Variants in FTO observed in about 807,000 individuals in gnomAD.
FTO encodes the protein FTO alpha-ketoglutarate dependent dioxygenase.
FTO carries 47 observed loss-of-function variants against 63.9 expected under a neutral mutation model. The ratio of observed to expected loss-of-function variants is 0.74; its 90% CI spans 0.58 to 0.94. The LOEUF (loss-of-function observed/expected upper bound fraction) is 0.94. Among genes scored for constraint, FTO ranks in the 40% least tolerant of loss-of-function variants. The pLI is 0.00. For synonymous variants in FTO, 207 were observed against 224.4 expected (o/e 0.92, Z 0.69); for missense variants, 562 against 618.1 (o/e 0.91, Z 0.96).
chr16:53,759,560 G>T (rs184861892), intron 1 of FTO, among the ~76,000 whole-genome samples: 1 of 151,966 alleles, frequency 6.6e-6, no homozygotes, highest in African/African-American at 2.4e-5. Flanking sequence ...TGGGCATGGT[G>T]GTGGGCACCT....
At chr16:53,820,976 C>T (rs1402326662) in intron 2 of FTO, among the ~76,000 whole-genome samples, 1 of 151,998 alleles carries the variant, frequency 6.6e-6, no homozygotes, top group African/African-American at 2.4e-5. Flanking sequence ...TTTTCCCATG[C>T]CATTATTTTC....
At position 53,930,380 on chromosome 16, in the gene FTO, C is replaced by T. The variant is rs1419334314; in HGVS notation, c.1240-3605C>T. On this transcript the variant is annotated intron_variant, in intron 7 of 8. Transcript: ENST00000471389. ...CTGGGACTACGGGCACCTGCCACCA[C>T]GCCCGGCTAATTTTTTGTGTTTTTA... Among the ~76,000 whole-genome samples, 4 of 151,542 alleles carry T rather than the reference C, an allele frequency of 2.6e-5. No individual in the cohort carries two copies. In the East Asian group the frequency reaches 5.8e-4, roughly 22 times the overall value.
chr16:54,006,366 C>CTGGCTAGA (rs1449596816), intron 8 of FTO, among the ~76,000 whole-genome samples: 9 of 152,168 alleles, frequency 5.9e-5, no homozygotes, highest in African/African-American at 2.2e-4. Flanking sequence ...AGATTCTTTG[C>CTGGCTAGA]TGGCTAGAGT....
At chr16:54,018,729 T>C (rs1396767587) in intron 8 of FTO, among the ~76,000 whole-genome samples, 5 of 152,190 alleles carry the variant, frequency 3.3e-5, no homozygotes, top group Admixed American at 2.6e-4. Flanking sequence ...CCTGCTGTCA[T>C]GTGAAGAAGA....
At chr16:54,067,456 T>C (rs1009047584) in intron 8 of FTO, among the ~76,000 whole-genome samples, 1 of 152,252 alleles carries the variant, frequency 6.6e-6, no homozygotes, top group Admixed American at 6.5e-5. Context: ...TAAATCTTTA[T>C]TGCAAAGGTT....
chr16:53,844,265 C>T lies in FTO; in HGVS notation c.862C>T (p.Pro288Ser). 4 of 1,613,342 alleles carry T rather than the reference C, an allele frequency of 2.5e-6. No individual in the cohort carries two copies. The South Asian group carries it at 4.4e-5, about 18-fold the overall frequency. Residue 288 changes from proline to serine, a missense_variant, in exon 4 of 9, where the codon CCC becomes TCC. Pro to Ser is a moderately conservative substitution (Grantham distance 74). Transcript: ENST00000471389. ...WDIETPGLAI[P>S]LHQGDCYFML... is the part of the protein sequence containing the mutation. ...CATAGAGACACCTGGTTTGGCGATA[C>T]CCCTTCACCAAGGAGACTGCTATTT...
intron 3 of FTO, among the ~76,000 whole-genome samples, chr16:53,829,146 T>TGGG (rs1335794038): frequency 2.6e-5 from 4 of 152,320 alleles, no homozygotes; most frequent in African/African-American, 9.6e-5. Context: ...TGCCTTGGTC[T>TGGG]CCCAAAGTGC....
intron 2 of FTO, among the ~76,000 whole-genome samples, chr16:53,815,171 T>C (rs1335931987): frequency 2.0e-5 from 3 of 152,090 alleles, no homozygotes; most frequent in African/African-American, 7.2e-5. Flanking sequence ...GCGGTTACTC[T>C]GAGATGAGGA....
intron 8 of FTO, chr16:53,979,498 T>C: frequency 2.5e-6 from 1 of 398,444 alleles, no homozygotes; most frequent in Non-Finnish European, 4.4e-6. Flanking sequence ...AGAATTTCTT[T>C]ATCACTACTG....
intron 8 of FTO, among the ~76,000 whole-genome samples, chr16:54,094,339 G>A (rs1599357185): frequency 2.6e-5 from 4 of 152,198 alleles, no homozygotes; most frequent in Admixed American, 2.6e-4. Context: ...GCTTTATTCA[G>A]TGGCGGCATT....
chr16:53,953,754 C>T (rs2082856193), intron 8 of FTO, among the ~76,000 whole-genome samples: 1 of 152,206 alleles, frequency 6.6e-6, no homozygotes, highest in Non-Finnish European at 1.5e-5. Context: ...TTTATAGCCA[C>T]AGAAGCCATG....
chr16:53,935,332 A>C (rs1409606836), intron 8 of FTO, among the ~76,000 whole-genome samples: 1 of 152,236 alleles, frequency 6.6e-6, no homozygotes, highest in Non-Finnish European at 1.5e-5. Context: ...AATTATCATA[A>C]AAATAAGTTT....
chr16:54,034,318 T>G (rs534611240), intron 8 of FTO, among the ~76,000 whole-genome samples: 10 of 152,322 alleles, frequency 6.6e-5, no homozygotes, highest in Admixed American at 4.6e-4. Context: ...AAAACCAGTG[T>G]TTAAGAGCTT....
At chr16:53,835,932 C>T (rs1298139479) in intron 3 of FTO, among the ~76,000 whole-genome samples, 1 of 148,668 alleles carries the variant, frequency 6.7e-6, no homozygotes, top group Non-Finnish European at 1.5e-5. Flanking sequence ...CTCTTGTCAC[C>T]CAGGCTGGTG....
In FTO at chr16:53,709,676, G is replaced by A. The variant is rs146898992; in HGVS notation, c.45+5447G>A. Among the ~76,000 whole-genome samples the A allele has an allele frequency of 1.3e-3, 200 of 152,286 alleles. 2 individuals are homozygous for A. Among genetic ancestry groups the A allele is most frequent in the African/African-American group, 4.7e-3 (194 of 41,540 alleles). On this transcript the variant is annotated intron_variant, in intron 1 of 8. Transcript: ENST00000471389. ...ATTTAAAACTTATTGAAGAGCAAGA[G>A]TAGAACCTAGAGCTCTCATAGACCT...
intron 1 of FTO, among the ~76,000 whole-genome samples, chr16:53,783,478 G>T (rs1027681329): frequency 6.6e-6 from 1 of 151,658 alleles, no homozygotes; most frequent in Non-Finnish European, 1.5e-5. Flanking sequence ...CGTGGTGGCG[G>T]GCGCCTGTAG....
At chr16:53,909,724 C>T (rs373059957) in intron 7 of FTO, among the ~76,000 whole-genome samples, 5 of 151,454 alleles carry the variant, frequency 3.3e-5, no homozygotes, top group East Asian at 3.9e-4. Flanking sequence ...CCACCACGCT[C>T]GGCTAATTTT....
chr16:54,008,772 A>G (rs1007118999), intron 8 of FTO, among the ~76,000 whole-genome samples: 24 of 150,780 alleles, frequency 1.6e-4, no homozygotes, highest in African/African-American at 4.9e-4. Flanking sequence ...ATCTGAGACC[A>G]GTCTGGGTAA....
At chr16:53,788,394 G>GGAGT (rs2077807502) in intron 1 of FTO, among the ~76,000 whole-genome samples, 1 of 152,024 alleles carries the variant, frequency 6.6e-6, no homozygotes, top group South Asian at 2.1e-4. Flanking sequence ...CTTGAGGCCA[G>GGAGT]GAGTACGAGA....
Sources: gnomAD v4.1 joint callset for allele counts (sites outside exome capture counted in the v4.1 genomes callset) on GRCh38, gnomAD v4.1.1 for gene constraint, MANE v1.5 for transcripts, NCBI Gene and HGNC (gene_info 2026-07-23, HGNC 2026-07-21) for gene names.